The following TMEM260 variants were observed in gnomAD, a reference collection of about 807,000 sequenced individuals.
The protein encoded by TMEM260 is protein O-mannosyl-transferase TMEM260.
Under a neutral mutation model 88.9 loss-of-function variants are expected in TMEM260, and 82 were observed. The ratio of observed to expected loss-of-function variants is 0.92; its 90% confidence interval spans 0.77 to 1.11. TMEM260 has a LOEUF of 1.11. TMEM260 is among the 50% of genes least tolerant of loss of function. TMEM260 has a pLI of 0.00. For synonymous variants in TMEM260, 314 were observed against 309.3 expected, an observed-to-expected ratio of 1.02 and a Z score of -0.16; for missense variants, 902 against 853.4, an observed-to-expected ratio of 1.06 and a Z score of -0.71.
At chr14:56,583,696 G>C (rs1885286625) in intron 1 of TMEM260, among the ~76,000 whole-genome samples, 1 of 152,070 alleles carries the variant, frequency 6.6e-6, no homozygotes, top group African/African-American at 2.4e-5. Context: ...CTAAGGAAAG[G>C]TTACCAAGAA....
intron 7 of TMEM260, 40 bp downstream of exon 7, chr14:56,612,325 T>C (rs1887334873): frequency 1.3e-6 from 2 of 1,521,876 alleles, no homozygotes; most frequent in Admixed American, 3.4e-5. Flanking sequence ...AAATGAATTC[T>C]CTATTAGTTC....
intron 3 of TMEM260, among the ~76,000 whole-genome samples, chr14:56,587,586 CAT>C (rs1270715126): frequency 6.6e-6 from 1 of 151,976 alleles, no homozygotes; most frequent in East Asian, 1.9e-4. Context: ...TACTTGCTGA[CAT>C]GTGCTTTAAA....
At chr14:56,579,645 G>C (rs1884961645), upstream of TMEM260, 1 of 372,072 alleles carries the variant, frequency 2.7e-6, no homozygotes, top group Non-Finnish European at 4.8e-6. Context: ...TGCTCTCCTG[G>C]TGATTAGGAA....
the TMEM260 span, among the ~76,000 whole-genome samples, chr14:56,658,957 C>T: frequency 4.0e-5 from 6 of 151,896 alleles, 1 homozygote; most frequent in East Asian, 3.9e-4. Context: ...CTTGAACTCC[C>T]GACCTCAGTT....
chr14:56,645,182 GAC>G, intron 15 of TMEM260, among the ~76,000 whole-genome samples: 1 of 151,328 alleles, frequency 6.6e-6, no homozygotes, highest in African/African-American at 2.4e-5. Context: ...CTGCTATAAA[GAC>G]ACATGCACAC....
At chr14:56,631,842 G>A (rs914331741) in intron 12 of TMEM260, among the ~76,000 whole-genome samples, 46 of 152,086 alleles carry the variant, frequency 3.0e-4, no homozygotes, top group Non-Finnish European at 6.2e-4. Flanking sequence ...TCTATCTGTT[G>A]GGAAACTGCC....
chr14:56,602,376 G>A (rs763332477), intron 3 of TMEM260, among the ~76,000 whole-genome samples: 7 of 152,122 alleles, frequency 4.6e-5, no homozygotes, highest in Non-Finnish European at 1.0e-4. Context: ...ACTAATTGGT[G>A]GAGAGAATAA....
At chr14:56,636,848 AAT>A (rs1889131728) in intron 15 of TMEM260, among the ~76,000 whole-genome samples, 1 of 152,244 alleles carries the variant, frequency 6.6e-6, no homozygotes, top group South Asian at 2.1e-4. Context: ...ACAACCTGTG[AAT>A]ATGTTACCTA....
chr14:56,621,472 T>G (rs540354164), intron 10 of TMEM260, 59 bp from the exon 11 acceptor site: 45 of 1,307,412 alleles, frequency 3.4e-5, no homozygotes, highest in Admixed American at 4.3e-5. Flanking sequence ...ATAAGCCTAG[T>G]CTTATTAAAA....
intron 3 of TMEM260, among the ~76,000 whole-genome samples, chr14:56,591,851 A>G (rs965206350): frequency 6.6e-5 from 10 of 152,198 alleles, no homozygotes; most frequent in Admixed American, 6.5e-4. Flanking sequence ...GATGGAGTAT[A>G]ATAAAATGAA....
intron 12 of TMEM260, among the ~76,000 whole-genome samples, chr14:56,632,026 C>T (rs1339878347): frequency 6.6e-6 from 1 of 152,160 alleles, no homozygotes. Context: ...CTACCAGGTA[C>T]CCAGTCTGGA....
chr14:56,632,396 G>A (rs984057199), intron 12 of TMEM260, among the ~76,000 whole-genome samples: 1 of 152,084 alleles, frequency 6.6e-6, no homozygotes, highest in Admixed American at 6.6e-5. Context: ...AGTTTTGGGT[G>A]CCTGCCAACC....
intron 12 of TMEM260, among the ~76,000 whole-genome samples, chr14:56,629,540 C>G (rs1197326033): frequency 6.7e-6 from 1 of 149,878 alleles, no homozygotes; most frequent in African/African-American, 2.4e-5. Context: ...TTTCTTCAAT[C>G]CTGATATTCC....
intron 3 of TMEM260, among the ~76,000 whole-genome samples, chr14:56,591,792 C>T (rs553276865): frequency 6.6e-6 from 1 of 152,220 alleles, no homozygotes; most frequent in Admixed American, 6.5e-5. Flanking sequence ...TGCGGTTGTT[C>T]CTATAAAGCC....
At chr14:56,585,653 G>A (rs1885446513) in intron 2 of TMEM260, 108 bp from the exon 3 acceptor site, 2 of 1,018,022 alleles carry the variant, frequency 2.0e-6, no homozygotes, top group East Asian at 2.4e-5. Flanking sequence ...AGTCATTGGT[G>A]CCTAATCTTT....
downstream of TMEM260, among the ~76,000 whole-genome samples, chr14:56,651,198 C>T (rs1231895121): frequency 6.6e-6 from 1 of 152,128 alleles, no homozygotes; most frequent in Non-Finnish European, 1.5e-5. Context: ...TGTCAGCACC[C>T]TCTCAAGGTC....
At chr14:56,612,323 T>G (rs1240152151) in intron 7 of TMEM260, 38 bp downstream of exon 7, 1 of 1,526,496 alleles carries the variant, frequency 6.6e-7, no homozygotes, top group Non-Finnish European at 9.1e-7. Context: ...TAAAATGAAT[T>G]CTCTATTAGT....
chr14:56,612,623 G>C (rs1887350669), intron 7 of TMEM260: 1 of 223,476 alleles, frequency 4.5e-6, no homozygotes, highest in Non-Finnish European at 8.7e-6. Flanking sequence ...GTAAATAGTT[G>C]TTATGCTGTA....
rs1566586558 is a variant in TMEM260, at chr14:56,649,420, C to G, written c.*1923C>G. On this transcript the variant is annotated 3_prime_UTR_variant, in exon 16 of 16. Transcript: ENST00000261556. ...ATGTAAGGAAGCATTGATAAATTGT[C>G]TAAGTTTATCCATTTGAAAGAAATT... 6.6e-6 allele frequency: 1 copy of G among 152,080 alleles called. No individual in the cohort carries two copies. Among genetic ancestry groups the G allele is most frequent in the Non-Finnish European group, 1.5e-5 (1 of 68,012 alleles). The allele number at this position is 152,080 out of a possible 1,614,324, so 9.4% of individuals were successfully genotyped here.
Sources: gnomAD v4.1 joint callset for allele counts (sites outside exome capture counted in the v4.1 genomes callset) on GRCh38, gnomAD v4.1.1 for gene constraint, MANE v1.5 for transcripts, NCBI Gene and HGNC (gene_info 2026-07-23, HGNC 2026-07-21) for gene names.